Variants in KHDRBS2 observed in about 807,000 individuals in gnomAD.
The protein encoded by KHDRBS2 is KH domain-containing, RNA-binding, signal transduction-associated protein 2.
KHDRBS2 carries 26 observed loss-of-function variants against 44.3 expected under a neutral mutation model. The ratio of observed to expected loss-of-function variants is 0.59; its 90% CI spans 0.43 to 0.81. The LOEUF is 0.81. Ranked by LOEUF, KHDRBS2 falls within the 40% of genes least tolerant of loss-of-function variation. KHDRBS2 has a pLI of 0.00. For synonymous variants in KHDRBS2, 194 were observed against 151.1 expected (o/e 1.28, Z -2.08); for missense variants, 476 against 433.1 (o/e 1.10, Z -0.88).
At chr6:61,912,140 G>T (rs1409694591) in intron 4 of KHDRBS2, among the ~76,000 whole-genome samples, 1 of 151,904 alleles carries the variant, frequency 6.6e-6, no homozygotes, top group Non-Finnish European at 1.5e-5. Context: ...AAATAAAGGA[G>T]AAAATGATGA....
chr6:61,864,640 C>A (rs1419617769), intron 6 of KHDRBS2, among the ~76,000 whole-genome samples: 1 of 152,176 alleles, frequency 6.6e-6, no homozygotes, highest in Non-Finnish European at 1.5e-5. Flanking sequence ...TGCTGTTAGT[C>A]TGATAAGCTT....
the KHDRBS2 span, among the ~76,000 whole-genome samples, chr6:61,564,918 AG>A: frequency 9.7e-4 from 147 of 152,288 alleles, 1 homozygote; most frequent in South Asian, 2.9e-3. Context: ...TAACCAAAAT[AG>A]TATGGTGCTG....
chr6:61,933,025 C>T lies in KHDRBS2; in HGVS notation c.484-31654G>A, dbSNP rs114556272. On this transcript the variant is annotated intron_variant, in intron 4 of 8. Transcript: ENST00000281156. ...GTTCTTGCAGTGCTATAAAGAAATA[C>T]CGGAAACTGGGCAATTTATAAATAA... Among the ~76,000 whole-genome samples the T allele has an allele frequency of 4.1e-3, 627 of 152,166 alleles. 2 individuals are homozygous for T. The highest frequency in any genetic ancestry group is 0.014 in the African/African-American group (601 of 41,506).
intron 3 of KHDRBS2, among the ~76,000 whole-genome samples, chr6:61,987,437 A>C (rs985356843): frequency 1.3e-5 from 2 of 152,186 alleles, no homozygotes; most frequent in Non-Finnish European, 2.9e-5. Context: ...TTGCTTTAGC[A>C]ATTATTATTG....
chr6:62,062,194 C>T lies in KHDRBS2; in HGVS notation c.220-14200G>A, dbSNP rs1278139892. On this transcript the variant is annotated intron_variant, in intron 2 of 8. Coordinates refer to ENST00000281156, the MANE Select transcript of KHDRBS2 (RefSeq NM_152688.4). The stretch of plus-strand genomic sequence containing the variant: ...ATTAATAATGGGAGACTTTAACACC[C>T]CACTGTCAACATTAGACAGATCAAC... Among the ~76,000 whole-genome samples the T allele has an allele frequency of 8.1e-5, 12 of 148,868 alleles. 1 individual carries two copies. The highest frequency in any genetic ancestry group is 4.3e-4 in the South Asian group (2 of 4,606).
intron 1 of KHDRBS2, among the ~76,000 whole-genome samples, chr6:62,281,280 T>C (rs1841754371): frequency 6.6e-6 from 1 of 152,166 alleles, no homozygotes; most frequent in East Asian, 1.9e-4. Flanking sequence ...TTGAGGTGCA[T>C]CATCATGTTA....
At chr6:61,908,771 C>CAAA (rs1189176053) in intron 4 of KHDRBS2, among the ~76,000 whole-genome samples, 1 of 151,782 alleles carries the variant, frequency 6.6e-6, no homozygotes, top group African/African-American at 2.4e-5. Context: ...CTCCACTTGT[C>CAAA]AAAAAAATGT....
chr6:61,795,553 C>T (rs1402299970), intron 6 of KHDRBS2, among the ~76,000 whole-genome samples: 5 of 151,922 alleles, frequency 3.3e-5, no homozygotes, highest in African/African-American at 7.3e-5. Flanking sequence ...AAAATCAATG[C>T]TCACTAATGT....
intron 2 of KHDRBS2, among the ~76,000 whole-genome samples, chr6:62,097,840 G>C (rs561397494): frequency 6.6e-6 from 1 of 152,158 alleles, no homozygotes; most frequent in Non-Finnish European, 1.5e-5. Flanking sequence ...TTTGTGGTTA[G>C]GTGATTTTCT....
At chr6:62,257,888 T>C (rs1837661835) in intron 1 of KHDRBS2, among the ~76,000 whole-genome samples, 1 of 151,956 alleles carries the variant, frequency 6.6e-6, no homozygotes, top group Non-Finnish European at 1.5e-5. Context: ...GAAAATTTTT[T>C]CTCCTTTTGC....
At chr6:61,967,540 G>A (rs560948766) in intron 4 of KHDRBS2, among the ~76,000 whole-genome samples, 10 of 151,938 alleles carry the variant, frequency 6.6e-5, no homozygotes, top group African/African-American at 2.4e-4. Flanking sequence ...GTGGGGAAAG[G>A]AGAGGGCAAG....
chr6:61,554,830 T>A, the KHDRBS2 span, among the ~76,000 whole-genome samples: 1 of 152,206 alleles, frequency 6.6e-6, no homozygotes, highest in African/African-American at 2.4e-5. Flanking sequence ...ATGCTGGATG[T>A]AGGCTCCTAA....
intron 4 of KHDRBS2, among the ~76,000 whole-genome samples, chr6:61,936,992 T>C (rs1171787761): frequency 1.3e-5 from 2 of 152,056 alleles, no homozygotes; most frequent in Admixed American, 6.6e-5. Context: ...TTGAAATTTT[T>C]TTATAAAATA....
At chr6:62,189,168 C>T (rs939778878) in intron 1 of KHDRBS2, among the ~76,000 whole-genome samples, 9 of 151,600 alleles carry the variant, frequency 5.9e-5, no homozygotes, top group Admixed American at 1.3e-4. Context: ...GAACATGCGT[C>T]AGAGGGAAGT....
chr6:61,885,637 G>A (rs1583327745), intron 6 of KHDRBS2, among the ~76,000 whole-genome samples: 1 of 152,086 alleles, frequency 6.6e-6, no homozygotes, highest in African/African-American at 2.4e-5. Flanking sequence ...CAAACTAAAT[G>A]AATTTCTAAC....
At chr6:61,649,572 T>A in the KHDRBS2 span, among the ~76,000 whole-genome samples, 1 of 152,178 alleles carries the variant, frequency 6.6e-6, no homozygotes. Flanking sequence ...CACATAAATA[T>A]CATGAAATTA....
At chr6:62,039,285 A>AC (rs1308958189) in intron 3 of KHDRBS2, among the ~76,000 whole-genome samples, 10 of 76,624 alleles carry the variant, frequency 1.3e-4, no homozygotes, top group African/African-American at 4.4e-4. Context: ...CACACACACA[A>AC]ACACACACAC....
intron 3 of KHDRBS2, among the ~76,000 whole-genome samples, chr6:62,004,754 A>G (rs1204157912): frequency 1.3e-5 from 2 of 152,198 alleles, no homozygotes; most frequent in Admixed American, 6.5e-5. Flanking sequence ...CATTGATGCA[A>G]AAATCCTCAA....
the KHDRBS2 span, among the ~76,000 whole-genome samples, chr6:61,648,307 C>A: frequency 6.6e-6 from 1 of 151,882 alleles, no homozygotes; most frequent in Non-Finnish European, 1.5e-5. Context: ...AGTTCAATAT[C>A]CTAATGTCTT....
Sources: allele counts gnomAD v4.1 joint callset (sites outside exome capture counted in the v4.1 genomes callset), GRCh38; gene constraint gnomAD v4.1.1; transcripts MANE v1.5; gene names NCBI Gene and HGNC (gene_info 2026-07-23, HGNC 2026-07-21).